Variants in ZNF138 observed in about 807,000 individuals in gnomAD.
ZNF138 encodes the protein zinc finger protein 138.
In ZNF138, 33 loss-of-function variants were observed where a neutral mutation model predicts 33.0. The ratio of observed to expected loss-of-function variants is 1.00; its 90% CI spans 0.76 to 1.34. The LOEUF is 1.34. ZNF138 is among the 40% of genes most tolerant of loss of function. The probability of loss-of-function intolerance (pLI) is 0.00; values close to 1 mark genes in which losing one functional copy is unlikely to be tolerated. For synonymous variants in ZNF138, 139 were observed against 120.4 expected, an observed-to-expected ratio of 1.15 and a Z score of -1.01; for missense variants, 360 against 370.8, an observed-to-expected ratio of 0.97 and a Z score of 0.24.
At chr7:64,852,550 C>T in the ZNF138 span, 5 of 1,570,816 alleles carry the variant, frequency 3.2e-6, no homozygotes, top group Non-Finnish European at 1.8e-6. Context: ...ATTTGGGGGA[C>T]TTTATCTCTG....
chr7:64,815,755 A>G (rs1057033684), intron 3 of ZNF138, 102 bp downstream of exon 3: 13 of 1,128,360 alleles, frequency 1.2e-5, no homozygotes, highest in Non-Finnish European at 1.5e-5. Context: ...TCCAAAGGAA[A>G]TAGTTTCTGG....
downstream of ZNF138, among the ~76,000 whole-genome samples, chr7:64,834,651 TTTG>T (rs2129017752): frequency 6.6e-6 from 1 of 152,300 alleles, no homozygotes; most frequent in South Asian, 2.1e-4. Context: ...GAGATTCTTT[TTTG>T]TTATGTCAAT....
Position 64,819,183 on chromosome 7 carries a change from ATG to A in ZNF138, c.208+3531_208+3532del, listed in dbSNP as rs1788913179. Among the ~76,000 whole-genome samples the A allele has an allele frequency of 2.0e-5, 3 of 152,286 alleles. No individual in the cohort carries two copies. In the East Asian group the frequency reaches 5.8e-4, roughly 29 times the overall value. ...GTATGTATGTGTTTTATTTACAAATATGACCCCTATTTTGGTTATGGCTTATC... is the reference window on the plus strand; with the variant it reads ...GTATGTATGTGTTTTATTTACAAATAACCCCTATTTTGGTTATGGCTTATC... On this transcript the variant is annotated intron_variant, in intron 3 of 3. Transcript: ENST00000307355.
chr7:64,822,557 T>C (rs1395384620), intron 3 of ZNF138, among the ~76,000 whole-genome samples: 3 of 151,632 alleles, frequency 2.0e-5, no homozygotes, highest in Non-Finnish European at 4.4e-5. Flanking sequence ...CTTTTCTCTA[T>C]TGTGTGCTCA....
downstream of ZNF138, among the ~76,000 whole-genome samples, chr7:64,837,274 A>G (rs907158844): frequency 2.6e-4 from 40 of 152,078 alleles, no homozygotes; most frequent in Non-Finnish European, 1.0e-4. Flanking sequence ...TGTAAGAATT[A>G]CCATGTAGGG....
chr7:64,840,553 A>T, the ZNF138 span, among the ~76,000 whole-genome samples: 1 of 152,034 alleles, frequency 6.6e-6, no homozygotes, highest in Non-Finnish European at 1.5e-5. Context: ...GTTTCCATCA[A>T]CTCTAGCATT....
downstream of ZNF138, chr7:64,836,414 C>T (rs984797075): frequency 3.3e-5 from 5 of 152,144 alleles, no homozygotes; most frequent in African/African-American, 1.2e-4. Flanking sequence ...AGCTCTTTCT[C>T]GGCTGACTGG....
chr7:64,814,462 T>C (rs571037980), intron 1 of ZNF138, among the ~76,000 whole-genome samples: 1 of 152,270 alleles, frequency 6.6e-6, no homozygotes, highest in Admixed American at 6.5e-5. Context: ...TTAGAAAATA[T>C]TTCTGTTAAA....
intron 3 of ZNF138, 115 bp from the exon 4 acceptor site, chr7:64,831,336 A>T: frequency 9.7e-7 from 1 of 1,027,104 alleles, no homozygotes; most frequent in African/African-American, 1.6e-5. Context: ...AACCTGTGGT[A>T]TTTTGCTATG....
chr7:64,821,964 G>T (rs1789192393), intron 3 of ZNF138, among the ~76,000 whole-genome samples: 1 of 140,182 alleles, frequency 7.1e-6, no homozygotes, highest in Non-Finnish European at 1.5e-5. Context: ...CGTCACCCAG[G>T]CTGGAGTGCA....
Position 64,832,546 on chromosome 7 carries a change from T to A in ZNF138, c.*344T>A, listed in dbSNP as rs906985849. On this transcript the variant is annotated 3_prime_UTR_variant, in exon 4 of 4. Coordinates refer to ENST00000307355, the MANE Select transcript of ZNF138 (RefSeq NM_001271639.2). Reference sequence around the variant, plus strand: ...GCCTTTAACTGGTCCTCAACTCTTATTACACATAAGATAATTCACAGTGGA... The same window carrying A: ...GCCTTTAACTGGTCCTCAACTCTTAATACACATAAGATAATTCACAGTGGA... 3.3e-6 allele frequency: 2 copies of A among 601,118 alleles called. No individual in the cohort carries two copies. The highest frequency in any genetic ancestry group is 5.5e-6 in the Non-Finnish European group (2 of 366,104). The allele number at this position is 601,118 out of a possible 1,614,324, so 37.2% of individuals were successfully genotyped here. A position where few individuals can be genotyped will look rare whatever the true frequency, so the allele number is the denominator to read the frequency against.
chr7:64,810,571 T>TATAACATATGCTTAC (rs1583821226), intron 1 of ZNF138, among the ~76,000 whole-genome samples: 13 of 262 alleles, frequency 0.05, no homozygotes, highest in East Asian at 0.41. Flanking sequence ...AATTGCTTAT[T>TATAACATATGCTTAC]AGTATATGTT....
the ZNF138 span, among the ~76,000 whole-genome samples, chr7:64,847,315 C>CATATATATATAT: frequency 4.3e-4 from 45 of 104,186 alleles, no homozygotes; most frequent in South Asian, 1.5e-3. Flanking sequence ...TCTTCTAATA[C>CATATATATATAT]ATATATATAT....
chr7:64,852,434 G>T, the ZNF138 span: 2 of 1,573,138 alleles, frequency 1.3e-6, no homozygotes, highest in Non-Finnish European at 1.7e-6. Context: ...ATTTTGAGTG[G>T]CCACTTGTGG....
intron 1 of ZNF138, among the ~76,000 whole-genome samples, chr7:64,799,989 T>G (rs1787013989): frequency 6.6e-6 from 1 of 152,200 alleles, no homozygotes; most frequent in Admixed American, 6.5e-5. Context: ...TGGATGCTGC[T>G]GATGTACAGG....
chr7:64,824,565 A>G (rs939897339), intron 3 of ZNF138, among the ~76,000 whole-genome samples: 1 of 152,180 alleles, frequency 6.6e-6, no homozygotes, highest in Non-Finnish European at 1.5e-5. Context: ...GATTTCTGCA[A>G]TTATTATGTT....
the ZNF138 span, chr7:64,852,741 C>G: frequency 1.2e-4 from 112 of 966,104 alleles, 1 homozygote; most frequent in South Asian, 8.1e-4. Flanking sequence ...GCCACTGCCC[C>G]CTGTGTCCCC....
chr7:64,816,625 TACA>T (rs1427630283), intron 3 of ZNF138, among the ~76,000 whole-genome samples: 3 of 152,236 alleles, frequency 2.0e-5, no homozygotes, highest in Non-Finnish European at 4.4e-5. Flanking sequence ...TCACATGGTC[TACA>T]ACCAGCAACG....
Position 64,833,313 on chromosome 7 carries a change from G to A in ZNF138, c.*1111G>A. The A allele has an allele frequency of 6.3e-6, 1 of 158,750 alleles. No homozygotes were observed. The highest frequency in any genetic ancestry group is 1.4e-5 in the Non-Finnish European group (1 of 71,448). The allele number at this position is 158,750 out of a possible 1,614,324, so 9.8% of individuals were successfully genotyped here. On this transcript the variant is annotated 3_prime_UTR_variant, in exon 4 of 4. Transcript: ENST00000307355. ...AATCTTACTAAACAAAATTAATACT[G>A]AAAATGTTACAAACCAGAAAAATGT...
Sources: gnomAD v4.1 joint callset for allele counts (sites outside exome capture counted in the v4.1 genomes callset) on GRCh38, gnomAD v4.1.1 for gene constraint, MANE v1.5 for transcripts, NCBI Gene and HGNC (gene_info 2026-07-23, HGNC 2026-07-21) for gene names.